UVRAG: variants seen among roughly 807,000 people sequenced by gnomAD.
The protein encoded by UVRAG is UV radiation resistance associated, also known as UV radiation resistance-associated gene protein.
Under a neutral mutation model 78.0 loss-of-function variants are expected in UVRAG, and 19 were observed. That is an observed-to-expected ratio of 0.24 (90% CI 0.17 to 0.36). The LOEUF is 0.36. Ranked by LOEUF, UVRAG falls within the 10% of genes least tolerant of loss-of-function variation. The pLI is 1.00. For synonymous variants in UVRAG, 323 were observed against 324.6 expected (o/e 1.00, Z 0.05); for missense variants, 740 against 853.8 (o/e 0.87, Z 1.66).
At chr11:76,102,822 T>C (rs1951900321) in intron 13 of UVRAG, among the ~76,000 whole-genome samples, 2 of 152,124 alleles carry the variant, frequency 1.3e-5, no homozygotes, top group Admixed American at 1.3e-4. Flanking sequence ...AACATCCATT[T>C]TTATCTCACA....
At chr11:75,838,697 T>C (rs1056572828) in intron 1 of UVRAG, among the ~76,000 whole-genome samples, 3 of 152,204 alleles carry the variant, frequency 2.0e-5, no homozygotes, top group African/African-American at 4.8e-5. Flanking sequence ...CCATCTGTTA[T>C]GGATGTCTGT....
Position 76,006,358 on chromosome 11 carries a change from T to C in UVRAG, c.912-1176T>C, listed in dbSNP as rs184851695. Among the ~76,000 whole-genome samples, 56 of 152,126 alleles carry C rather than the reference T, an allele frequency of 3.7e-4. No individual in the cohort carries two copies. In the East Asian group the frequency reaches 0.01, roughly 27 times the overall value. ...TTATGTATTGATCATGTTTCTTAAGTAGTGCAAGAAAAGAGCTGGTGCCAG... is the reference window on the plus strand; with the variant it reads ...TTATGTATTGATCATGTTTCTTAAGCAGTGCAAGAAAAGAGCTGGTGCCAG... On this transcript the variant is annotated intron_variant, in intron 9 of 14. Transcript: ENST00000356136.
chr11:76,128,819 C>G (rs1339674534), intron 14 of UVRAG, among the ~76,000 whole-genome samples: 1 of 152,046 alleles, frequency 6.6e-6, no homozygotes, highest in Non-Finnish European at 1.5e-5. Flanking sequence ...AGATATAATT[C>G]CCTGTGTTTT....
intron 8 of UVRAG, among the ~76,000 whole-genome samples, chr11:75,991,898 A>C (rs1949614258): frequency 6.6e-6 from 1 of 152,138 alleles, no homozygotes; most frequent in African/African-American, 2.4e-5. Flanking sequence ...TATTTAGAGA[A>C]TATGAGCTTG....
intron 1 of UVRAG, among the ~76,000 whole-genome samples, chr11:75,824,355 A>G (rs1224181997): frequency 1.3e-5 from 2 of 151,142 alleles, no homozygotes; most frequent in Admixed American, 1.3e-4. Context: ...TTAGGAATTT[A>G]TGTTTTTTGT....
chr11:75,912,317 C>A (rs980087868), intron 6 of UVRAG, among the ~76,000 whole-genome samples: 1 of 152,150 alleles, frequency 6.6e-6, no homozygotes, highest in African/African-American at 2.4e-5. Context: ...GTCTTCTGTA[C>A]CCTACAGAAC....
intron 1 of UVRAG, among the ~76,000 whole-genome samples, chr11:75,828,803 ATATT>A (rs1248128232): frequency 2.3e-5 from 2 of 85,454 alleles, no homozygotes; most frequent in Admixed American, 1.4e-4. Flanking sequence ...ATATATATAT[ATATT>A]TTTTTTTTTT....
At chr11:75,970,998 T>A (rs188949821) in intron 7 of UVRAG, among the ~76,000 whole-genome samples, 48 of 152,294 alleles carry the variant, frequency 3.2e-4, no homozygotes, top group African/African-American at 8.2e-4. Context: ...GCCCTAAAAA[T>A]ATCCTATCCT....
At chr11:75,979,177 G>C (rs56154425) in intron 7 of UVRAG, among the ~76,000 whole-genome samples, 13,530 of 152,266 alleles carry the variant, frequency 0.089, 1,317 homozygotes, top group African/African-American at 0.25. Context: ...ACCAGTGGAG[G>C]CTGCAGAACT....
intron 1 of UVRAG, chr11:75,837,474 G>A (rs1696214954): frequency 6.6e-6 from 1 of 151,894 alleles, no homozygotes; most frequent in African/African-American, 2.4e-5. Flanking sequence ...TAAATGCTAT[G>A]TAAATAGTTG....
intron 2 of UVRAG, among the ~76,000 whole-genome samples, chr11:75,860,797 T>TC (rs1344369427): frequency 2.0e-5 from 3 of 151,968 alleles, no homozygotes; most frequent in Non-Finnish European, 2.9e-5. Flanking sequence ...TCTTTTCTTT[T>TC]TTTTTTTTAG....
chr11:75,985,451 G>A (rs1949480957), intron 8 of UVRAG, among the ~76,000 whole-genome samples: 2 of 151,738 alleles, frequency 1.3e-5, no homozygotes, highest in Admixed American at 6.6e-5. Flanking sequence ...TTATGGATAT[G>A]GGTTCTTTTT....
chr11:75,987,939 T>C (rs1358505478), intron 8 of UVRAG, among the ~76,000 whole-genome samples: 2 of 152,158 alleles, frequency 1.3e-5, no homozygotes, highest in South Asian at 2.1e-4. Flanking sequence ...GGTTTTGCCA[T>C]GTTGGCCAGG....
intron 1 of UVRAG, among the ~76,000 whole-genome samples, chr11:75,822,169 C>T (rs1474008639): frequency 6.6e-6 from 1 of 152,060 alleles, no homozygotes; most frequent in Non-Finnish European, 1.5e-5. Flanking sequence ...GTCTTGAACT[C>T]CTGACCTCAG....
chr11:76,038,394 A>G (rs189648607), intron 12 of UVRAG, among the ~76,000 whole-genome samples: 14 of 152,374 alleles, frequency 9.2e-5, no homozygotes, highest in African/African-American at 3.1e-4. Context: ...ATACAAATTT[A>G]AAAACAACAG....
At chr11:76,054,498 C>T (rs1205724893) in intron 12 of UVRAG, among the ~76,000 whole-genome samples, 1 of 152,208 alleles carries the variant, frequency 6.6e-6, no homozygotes, top group Non-Finnish European at 1.5e-5. Context: ...ACCTCCAGGA[C>T]CCTGCATGAT....
intron 1 of UVRAG, among the ~76,000 whole-genome samples, chr11:75,832,517 C>G (rs926553554): frequency 4.6e-5 from 7 of 152,180 alleles, no homozygotes; most frequent in Non-Finnish European, 8.8e-5. Context: ...GGGGAAGGGA[C>G]GTGGAGCTTC....
At chr11:75,893,797 C>T (rs959297080) in intron 5 of UVRAG, among the ~76,000 whole-genome samples, 4 of 148,978 alleles carry the variant, frequency 2.7e-5, no homozygotes, top group African/African-American at 9.9e-5. Flanking sequence ...GAGCTGTGAT[C>T]GCACCATTGC....
chr11:75,821,084 C>T (rs1239791395), intron 1 of UVRAG, among the ~76,000 whole-genome samples: 1 of 152,176 alleles, frequency 6.6e-6, no homozygotes, highest in East Asian at 1.9e-4. Context: ...TCCCCATTCT[C>T]GCCTCCTACC....
Sources: gnomAD v4.1 joint callset for allele counts (sites outside exome capture counted in the v4.1 genomes callset) on GRCh38, gnomAD v4.1.1 for gene constraint, MANE v1.5 for transcripts, NCBI Gene and HGNC (gene_info 2026-07-23, HGNC 2026-07-21) for gene names.